SORCS1: variants seen among roughly 807,000 people sequenced by gnomAD.
The protein encoded by SORCS1 is VPS10 domain-containing receptor SorCS1.
A neutral mutation model predicts 146.1 loss-of-function variants in SORCS1; 60 were observed. That is an observed-to-expected ratio of 0.41 (90% CI 0.33 to 0.51). SORCS1 has a LOEUF of 0.51. Among genes scored for constraint, SORCS1 ranks in the 20% least tolerant of loss-of-function variants. The probability of loss-of-function intolerance (pLI) is 0.21; values close to 1 mark genes in which losing one functional copy is unlikely to be tolerated. For synonymous variants in SORCS1, 637 were observed against 584.0 expected, an observed-to-expected ratio of 1.09 and a Z score of -1.31; for missense variants, 1,352 against 1,487.6, an observed-to-expected ratio of 0.91 and a Z score of 1.50.
chr10:107,156,312 C>T (rs1343265224), intron 1 of SORCS1, among the ~76,000 whole-genome samples: 1 of 152,230 alleles, frequency 6.6e-6, no homozygotes, highest in African/African-American at 2.4e-5. Context: ...GCTCTGCCAC[C>T]TGCTAGCTGG....
intron 4 of SORCS1, 77 bp downstream of exon 4, chr10:106,776,457 T>C: frequency 6.4e-7 from 1 of 1,557,126 alleles, no homozygotes; most frequent in East Asian, 2.2e-5. Context: ...TGAGGTGAAA[T>C]GGAGAGATGA....
the SORCS1 span, among the ~76,000 whole-genome samples, chr10:107,174,320 C>A: frequency 6.6e-6 from 1 of 152,116 alleles, no homozygotes; most frequent in East Asian, 1.9e-4. Flanking sequence ...GTTCTCCTGC[C>A]TCAGCTTCCC....
chr10:106,610,784 A>G (rs548792778), intron 22 of SORCS1, among the ~76,000 whole-genome samples: 3 of 152,200 alleles, frequency 2.0e-5, no homozygotes, highest in Non-Finnish European at 2.9e-5. Flanking sequence ...CTCACTCATG[A>G]AAGTAGAATA....
chr10:106,790,041 G>T lies in SORCS1; in HGVS notation c.727-13349C>A, dbSNP rs181254044. On this transcript the variant is annotated intron_variant, in intron 3 of 25. Coordinates refer to ENST00000263054, the MANE Select transcript of SORCS1 (RefSeq NM_052918.5). ...ATGAGAATAGTTAGGGTCGGGTGGG[G>T]ACCATCCCCATGATCCAGGTCTCTC... 3.2e-3 allele frequency among the ~76,000 whole-genome samples: 482 copies of T among 152,270 alleles called. 13 individuals carry two copies. The highest frequency in any genetic ancestry group is 7.2e-4 in the Non-Finnish European group (49 of 68,020).
At chr10:107,010,093 T>C (rs1367051507) in intron 1 of SORCS1, among the ~76,000 whole-genome samples, 5 of 152,358 alleles carry the variant, frequency 3.3e-5, no homozygotes, top group Non-Finnish European at 5.9e-5. Flanking sequence ...AACGTATTTC[T>C]AAAATTAGTA....
chr10:107,116,980 A>G (rs1455223440), intron 1 of SORCS1, among the ~76,000 whole-genome samples: 1 of 152,198 alleles, frequency 6.6e-6, no homozygotes, highest in Non-Finnish European at 1.5e-5. Context: ...AAAGAGTAAC[A>G]CAATTATTGT....
chr10:106,962,394 C>CAAAAAAAAA (rs60616146), intron 1 of SORCS1, among the ~76,000 whole-genome samples: 17 of 62,444 alleles, frequency 2.7e-4, no homozygotes, highest in East Asian at 5.6e-4. Context: ...AACTCCATCT[C>CAAAAAAAAA]AAAAAAAAAA....
intron 1 of SORCS1, among the ~76,000 whole-genome samples, chr10:107,008,450 T>G (rs1033596460): frequency 6.6e-6 from 1 of 152,232 alleles, no homozygotes; most frequent in Non-Finnish European, 1.5e-5. Flanking sequence ...TTGATTAAAA[T>G]GCAGTTGTAG....
intron 1 of SORCS1, among the ~76,000 whole-genome samples, chr10:107,094,901 G>A (rs1964443016): frequency 6.6e-6 from 1 of 152,166 alleles, no homozygotes; most frequent in South Asian, 2.1e-4. Context: ...AGTAATAGAA[G>A]CGTCATAGAC....
intron 1 of SORCS1, among the ~76,000 whole-genome samples, chr10:106,988,161 A>G (rs1477157370): frequency 6.6e-6 from 1 of 152,208 alleles, no homozygotes; most frequent in Non-Finnish European, 1.5e-5. Context: ...GTTGATCGCT[A>G]GCTCACCTGC....
chr10:106,980,770 A>T (rs951502340), intron 1 of SORCS1, among the ~76,000 whole-genome samples: 1 of 152,208 alleles, frequency 6.6e-6, no homozygotes, highest in East Asian at 1.9e-4. Flanking sequence ...TATAAGACCA[A>T]CTGTAATGCA....
intron 1 of SORCS1, among the ~76,000 whole-genome samples, chr10:107,000,294 A>G (rs897396558): frequency 6.6e-6 from 1 of 152,320 alleles, no homozygotes; most frequent in East Asian, 1.9e-4. Context: ...AATGTTGGGA[A>G]GATTTTTAGG....
chr10:106,623,137 C>T (rs2133520395), intron 19 of SORCS1, among the ~76,000 whole-genome samples: 1 of 152,178 alleles, frequency 6.6e-6, no homozygotes, highest in East Asian at 1.9e-4. Context: ...TTCCTGAGTC[C>T]CTCAATCTGC....
chr10:106,822,124 G>A (rs1029073856), intron 3 of SORCS1, among the ~76,000 whole-genome samples: 2 of 139,818 alleles, frequency 1.4e-5, no homozygotes, highest in Non-Finnish European at 3.3e-5. Context: ...TACTACATCA[G>A]TGTTAGATAG....
chr10:106,981,080 G>T (rs1956229628), intron 1 of SORCS1, among the ~76,000 whole-genome samples: 1 of 152,052 alleles, frequency 6.6e-6, no homozygotes, highest in South Asian at 2.1e-4. Flanking sequence ...ATTTAGATAG[G>T]AATGACTCAG....
chr10:106,579,128 G>T, intron 25 of SORCS1: 2 of 1,614,050 alleles, frequency 1.2e-6, no homozygotes, highest in Non-Finnish European at 1.7e-6. Flanking sequence ...CTATAAGCTG[G>T]CCAGGCCTCC....
At chr10:106,688,450 G>A in intron 9 of SORCS1, 112 bp from the exon 10 acceptor site, 2 of 1,245,104 alleles carry the variant, frequency 1.6e-6, no homozygotes, top group South Asian at 3.1e-5. Flanking sequence ...TGCCTTGGAG[G>A]AAAGAAAGGT....
Position 106,960,372 on chromosome 10 carries a change from G to C in SORCS1, c.559-3792C>G, listed in dbSNP as rs549937217. Among the ~76,000 whole-genome samples, 2 of 151,896 alleles carry C rather than the reference G, an allele frequency of 1.3e-5. No homozygotes were observed. Among genetic ancestry groups the C allele is most frequent in the East Asian group, 3.9e-4 (2 of 5,164 alleles). ...CTATCGCTTACACAACTTTTGGGAG[G>C]AACTTCACTTGGTCCATACGTTTTC... On this transcript the variant is annotated intron_variant, in intron 1 of 25. Coordinates refer to ENST00000263054, the MANE Select transcript of SORCS1 (RefSeq NM_052918.5). This position sits in a 1 kb window ranked among gnomAD's most constrained non-coding sequence, Gnocchi z 4.4.
At chr10:106,602,193 C>A (rs1472154738) in intron 23 of SORCS1, among the ~76,000 whole-genome samples, 1 of 152,064 alleles carries the variant, frequency 6.6e-6, no homozygotes, top group African/African-American at 2.4e-5. Flanking sequence ...GTATTAATGG[C>A]AAAGCTACAC....
Sources: gnomAD v4.1 joint callset for allele counts (sites outside exome capture counted in the v4.1 genomes callset) on GRCh38, gnomAD v4.1.1 for gene constraint, Gnocchi (gnomAD v3.1) non-coding constraint, MANE v1.5 for transcripts, NCBI Gene and HGNC (gene_info 2026-07-23, HGNC 2026-07-21) for gene names.